MGLL: variants seen among roughly 807,000 people sequenced by gnomAD.
MGLL encodes monoglyceride lipase, also known as lysophospholipase homolog.
A neutral mutation model predicts 29.1 loss-of-function variants in MGLL; 7 were observed. That is an observed-to-expected ratio of 0.24 (90% CI 0.14 to 0.45). MGLL has a LOEUF of 0.45. MGLL is among the 20% of genes least tolerant of loss of function. The pLI is 0.99. For missense variants in MGLL, 356 were observed against 413.6 expected, an observed-to-expected ratio of 0.86 and a Z score of 1.21; for synonymous variants, 148 against 168.3, an observed-to-expected ratio of 0.88 and a Z score of 0.93.
At chr3:127,769,056 G>T (rs1385248046) in intron 3 of MGLL, among the ~76,000 whole-genome samples, 2 of 152,208 alleles carry the variant, frequency 1.3e-5, no homozygotes, top group African/African-American at 4.8e-5. Flanking sequence ...CTGCTAGAAA[G>T]AGTTGGATTG....
intron 3 of MGLL, among the ~76,000 whole-genome samples, chr3:127,773,483 T>C (rs2076982734): frequency 6.6e-6 from 1 of 152,244 alleles, no homozygotes; most frequent in South Asian, 2.1e-4. Flanking sequence ...TACTTGTGTC[T>C]TCTTAGGACA....
At chr3:127,775,420 A>G (rs2077016710) in intron 3 of MGLL, among the ~76,000 whole-genome samples, 1 of 152,306 alleles carries the variant, frequency 6.6e-6, no homozygotes, top group South Asian at 2.1e-4. Context: ...CTTGACTCAA[A>G]TCTGTCTCCC....
rs187193172 is a variant in MGLL at position 127,766,391 on chromosome 3, T to C, written c.262+15398A>G. ...GTATACATTTCTAATTTTAACTATG[T>C]AGACACGCACCTTATTGAAAGTAAA... On this transcript the variant is annotated intron_variant, in intron 3 of 7. Transcript: ENST00000265052. Among the ~76,000 whole-genome samples the C allele has an allele frequency of 1.4e-4, 22 of 152,338 alleles. No homozygotes were observed. In the East Asian group the frequency reaches 4.2e-3, roughly 29 times the overall value.
intron 2 of MGLL, among the ~76,000 whole-genome samples, chr3:127,794,888 T>C (rs1343773812): frequency 6.6e-6 from 1 of 152,248 alleles, no homozygotes; most frequent in Non-Finnish European, 1.5e-5. Context: ...TATCTTTTGC[T>C]CGTCCTTTTG....
chr3:127,745,115 C>T (rs751622492), intron 3 of MGLL, among the ~76,000 whole-genome samples: 9 of 152,300 alleles, frequency 5.9e-5, no homozygotes, highest in Middle Eastern at 3.4e-3. Flanking sequence ...ACGTCTCCAC[C>T]GCTATGATCC....
chr3:127,781,766 T>C (rs773492115), intron 3 of MGLL, 23 bp downstream of exon 3: 2 of 1,611,370 alleles, frequency 1.2e-6, no homozygotes, highest in Non-Finnish European at 1.7e-6. Flanking sequence ...CAGCCAGCTC[T>C]GACGGCACCC....
chr3:127,696,939 G>A (rs997936407), intron 6 of MGLL, among the ~76,000 whole-genome samples: 24 of 152,164 alleles, frequency 1.6e-4, no homozygotes, highest in Non-Finnish European at 3.2e-4. Flanking sequence ...ACAAGGCCTC[G>A]GCCAGAATTC....
intron 3 of MGLL, among the ~76,000 whole-genome samples, chr3:127,735,336 C>G (rs548568019): frequency 1.3e-5 from 2 of 152,206 alleles, no homozygotes; most frequent in Non-Finnish European, 2.9e-5. Context: ...ACACAGGAAT[C>G]GGACTGTTCA....
intron 6 of MGLL, among the ~76,000 whole-genome samples, chr3:127,705,799 A>T (rs1202918640): frequency 6.6e-6 from 1 of 151,704 alleles, no homozygotes; most frequent in Non-Finnish European, 1.5e-5. Flanking sequence ...AAAGAAGAAG[A>T]AGAAGAAGAA....
At chr3:127,812,642 C>G (rs1044406882) in intron 2 of MGLL, among the ~76,000 whole-genome samples, 1 of 152,130 alleles carries the variant, frequency 6.6e-6, no homozygotes, top group African/African-American at 2.4e-5. Context: ...AATCAACAAG[C>G]CTGGCACAGG....
chr3:127,737,741 T>A (rs2076269964), intron 3 of MGLL, among the ~76,000 whole-genome samples: 1 of 140,530 alleles, frequency 7.1e-6, no homozygotes, highest in South Asian at 2.3e-4. Flanking sequence ...ACCTCCCGGG[T>A]TGAAGCAACT....
intron 2 of MGLL, among the ~76,000 whole-genome samples, chr3:127,792,709 A>G (rs987230144): frequency 5.9e-5 from 9 of 152,052 alleles, no homozygotes; most frequent in Non-Finnish European, 1.0e-4. Flanking sequence ...CTCAAAAGAA[A>G]AAAAAAAAAT....
At chr3:127,747,686 T>C (rs1255490238) in intron 3 of MGLL, among the ~76,000 whole-genome samples, 3 of 152,184 alleles carry the variant, frequency 2.0e-5, no homozygotes, top group Non-Finnish European at 4.4e-5. Context: ...TTCCATCAAG[T>C]GGCTGTCTAC....
At chr3:127,706,655 T>C (rs2075608834) in intron 6 of MGLL, among the ~76,000 whole-genome samples, 1 of 152,136 alleles carries the variant, frequency 6.6e-6, no homozygotes, top group African/African-American at 2.4e-5. Flanking sequence ...ATTGGGAAAT[T>C]TTTAGCTGCA....
Position 127,821,735 on chromosome 3 carries a change from C to A in MGLL, c.114G>T (p.Gln38His). Residue 38 changes from glutamine to histidine, a missense_variant, in exon 2 of 8, where the codon CAG (glutamine) becomes CAT (histidine). Coordinates refer to ENST00000265052, the MANE Select transcript of MGLL (RefSeq NM_007283.7). ...GTTTCCAGTACCTGCAGAAGAGGTA[C>A]TGTCCGTCTGCATTGACCAGGTGAG... ...DLPHLVNADG[Q>H]YLFCRYWKPT... is the part of the protein sequence containing the mutation. 6.2e-7 allele frequency: 1 copy of A among 1,614,152 alleles called. No homozygotes were observed. The highest frequency in any genetic ancestry group is 1.1e-5 in the South Asian group (1 of 91,084).
chr3:127,710,532 G>A, intron 6 of MGLL, 44 bp downstream of exon 6: 3 of 1,472,554 alleles, frequency 2.0e-6, no homozygotes, highest in Non-Finnish European at 2.8e-6. Flanking sequence ...TCCCCATGGG[G>A]GCAGCCACCC....
intron 2 of MGLL, chr3:127,783,759 T>C: frequency 6.6e-6 from 1 of 152,370 alleles, no homozygotes; most frequent in African/African-American, 2.4e-5. Context: ...ATCAGATGTG[T>C]ACTTGTGTAA....
intron 3 of MGLL, among the ~76,000 whole-genome samples, chr3:127,771,196 C>T (rs566804482): frequency 1.3e-5 from 2 of 152,288 alleles, no homozygotes; most frequent in African/African-American, 4.8e-5. Flanking sequence ...CCCTCCCAAT[C>T]CTGCCTCCTT....
At chr3:127,747,238 C>T (rs562502956) in intron 3 of MGLL, among the ~76,000 whole-genome samples, 12 of 152,254 alleles carry the variant, frequency 7.9e-5, no homozygotes, top group Non-Finnish European at 1.3e-4. Flanking sequence ...AGGCAGCAAC[C>T]ACTCACCCAT....
Sources: allele counts gnomAD v4.1 joint callset (sites outside exome capture counted in the v4.1 genomes callset), GRCh38; gene constraint gnomAD v4.1.1; transcripts MANE v1.5; gene names NCBI Gene and HGNC (gene_info 2026-07-23, HGNC 2026-07-21).